Variants in EYS observed in about 807,000 individuals in gnomAD.
EYS encodes protein eyes shut homolog.
In EYS, 250 loss-of-function variants were observed where a neutral mutation model predicts 282.1. The ratio of observed to expected loss-of-function variants is 0.89; its 90% CI spans 0.80 to 0.98. The LOEUF is 0.98. Among genes scored for constraint, EYS ranks in the 50% least tolerant of loss-of-function variants. EYS has a pLI of 0.00. For synonymous variants in EYS, 1,355 were observed against 1,282.9 expected (o/e 1.06, Z -1.20); for missense variants, 4,016 against 3,709.0 (o/e 1.08, Z -2.15).
chr6:65,375,045 T>G (rs1765307845), intron 8 of EYS, among the ~76,000 whole-genome samples: 1 of 152,166 alleles, frequency 6.6e-6, no homozygotes, highest in South Asian at 2.1e-4. Flanking sequence ...AGGGATAGAC[T>G]GCCTCCTCAA....
At chr6:64,611,699 G>A (rs996826097) in intron 24 of EYS, among the ~76,000 whole-genome samples, 5 of 152,140 alleles carry the variant, frequency 3.3e-5, no homozygotes, top group African/African-American at 1.2e-4. Flanking sequence ...GCAAGAGGAT[G>A]TGAGCCTGTA....
chr6:63,863,422 A>C (rs1011251883), intron 36 of EYS, among the ~76,000 whole-genome samples: 1 of 152,090 alleles, frequency 6.6e-6, no homozygotes, highest in African/African-American at 2.4e-5. Context: ...GTTTCTTGAT[A>C]TGTAATAACT....
chr6:65,658,546 T>C lies in EYS; in HGVS notation c.-447-18654A>G, dbSNP rs530898564. On this transcript the variant is annotated intron_variant, in intron 1 of 42. Transcript: ENST00000503581. ...ATATTAATAAACTCCCTGAAAACTA[T>C]GAATAATGATAACTATGACTAACAT... Among the ~76,000 whole-genome samples the C allele has an allele frequency of 6.2e-4, 94 of 151,782 alleles. 2 individuals are homozygous for C. Among genetic ancestry groups the C allele is most frequent in the African/African-American group, 2.2e-3 (92 of 41,510 alleles).
intron 35 of EYS, among the ~76,000 whole-genome samples, chr6:63,879,041 T>C (rs7753631): frequency 0.37 from 55,606 of 151,998 alleles, 10,638 homozygotes; most frequent in South Asian, 0.47. Flanking sequence ...TTCTATGTCA[T>C]TCACGTTGGG....
At chr6:64,566,962 A>G (rs1437803805) in intron 26 of EYS, among the ~76,000 whole-genome samples, 3 of 152,068 alleles carry the variant, frequency 2.0e-5, no homozygotes, top group Non-Finnish European at 4.4e-5. Context: ...TTTAATAGAG[A>G]CAGGGTTTCA....
rs571232519 is a variant in EYS at position 65,101,828 on chromosome 6, G to A, written c.2024-44101C>T. On this transcript the variant is annotated intron_variant, in intron 12 of 42. Transcript: ENST00000503581. ...TGGTCAGCTTTTCATTTACAGCCTG[G>A]TGCTGACATTCCCCAGACAATACTG... 5.3e-5 allele frequency among the ~76,000 whole-genome samples: 8 copies of A among 151,158 alleles called. No homozygotes were observed. The East Asian group carries it at 1.6e-3, about 29-fold the overall frequency.
chr6:64,389,897 C>T (rs111644633), intron 28 of EYS, among the ~76,000 whole-genome samples: 3,724 of 152,014 alleles, frequency 0.024, 122 homozygotes, highest in African/African-American at 0.076. Context: ...AGACAGTGGG[C>T]GCAGGTCAGT....
intron 28 of EYS, among the ~76,000 whole-genome samples, chr6:64,419,347 G>C (rs1408731643): frequency 6.6e-6 from 1 of 152,024 alleles, no homozygotes; most frequent in Non-Finnish European, 1.5e-5. Flanking sequence ...GATGAGATTT[G>C]GGTGAGGACA....
chr6:63,786,746 G>A (rs1770372185), intron 39 of EYS, among the ~76,000 whole-genome samples: 1 of 151,954 alleles, frequency 6.6e-6, no homozygotes, highest in African/African-American at 2.4e-5. Context: ...TCCAAATCTG[G>A]GAGGCTTGTT....
intron 3 of EYS, 116 bp downstream of exon 3, chr6:65,495,743 T>C: frequency 2.9e-6 from 1 of 348,830 alleles, no homozygotes; most frequent in African/African-American, 2.1e-5. Flanking sequence ...GGGACCTTCT[T>C]TGGGAAAGAA....
chr6:65,691,390 G>A (rs1018429012), intron 1 of EYS, among the ~76,000 whole-genome samples: 9 of 150,284 alleles, frequency 6.0e-5, no homozygotes, highest in Admixed American at 2.0e-4. Flanking sequence ...CTTTTGAGAA[G>A]TGTCTGTTCA....
chr6:64,038,705 T>C (rs1770240418), intron 33 of EYS, among the ~76,000 whole-genome samples: 1 of 151,948 alleles, frequency 6.6e-6, no homozygotes, highest in South Asian at 2.1e-4. Flanking sequence ...TGAGACTAAT[T>C]CTTATTCTGA....
At chr6:63,816,741 T>A (rs1478531082) in intron 36 of EYS, among the ~76,000 whole-genome samples, 1 of 152,232 alleles carries the variant, frequency 6.6e-6, no homozygotes, top group African/African-American at 2.4e-5. Flanking sequence ...CATGTACATG[T>A]ACGCAAATAA....
chr6:64,788,526 G>C (rs952906762), intron 22 of EYS, among the ~76,000 whole-genome samples: 1 of 152,130 alleles, frequency 6.6e-6, no homozygotes, highest in African/African-American at 2.4e-5. Context: ...GTGTATGTTT[G>C]TTGCGTGAGA....
In EYS at chr6:64,887,373, A is replaced by T. The variant is rs552075707; in HGVS notation, c.2847-531T>A. On this transcript the variant is annotated intron_variant, in intron 18 of 42. Transcript: ENST00000503581. ...TGCAGCACACCAACATGGCACATGTATACATATGTAACAAATCTGCACGTT... is the reference window on the plus strand; with the variant it reads ...TGCAGCACACCAACATGGCACATGTTTACATATGTAACAAATCTGCACGTT... Among the ~76,000 whole-genome samples the T allele has an allele frequency of 2.2e-4, 33 of 152,112 alleles. No homozygotes were observed. The South Asian group carries it at 6.6e-3, about 31-fold the overall frequency.
intron 22 of EYS, among the ~76,000 whole-genome samples, chr6:64,782,043 G>A (rs1197303053): frequency 6.6e-6 from 1 of 152,108 alleles, no homozygotes; most frequent in African/African-American, 2.4e-5. Context: ...GTAAAACGAT[G>A]TTTTGTCTTG....
intron 10 of EYS, among the ~76,000 whole-genome samples, chr6:65,336,814 T>TA (rs1770006644): frequency 6.6e-6 from 1 of 151,582 alleles, no homozygotes; most frequent in African/African-American, 2.4e-5. Context: ...CTTCCACAGA[T>TA]ATGCCCAGTG....
intron 1 of EYS, among the ~76,000 whole-genome samples, chr6:65,649,388 CAT>C (rs773024022): frequency 1.2e-4 from 18 of 152,124 alleles, no homozygotes; most frequent in Admixed American, 4.6e-4. Context: ...CACACACACA[CAT>C]ACACACATCC....
At chr6:64,026,822 C>T (rs1307407962) in intron 33 of EYS, among the ~76,000 whole-genome samples, 1 of 152,132 alleles carries the variant, frequency 6.6e-6, no homozygotes, top group Non-Finnish European at 1.5e-5. Context: ...CCCCTTCAAG[C>T]TGTAGAGGGA....
Sources: allele counts gnomAD v4.1 joint callset (sites outside exome capture counted in the v4.1 genomes callset), GRCh38; gene constraint gnomAD v4.1.1; transcripts MANE v1.5; gene names NCBI Gene and HGNC (gene_info 2026-07-23, HGNC 2026-07-21).